Variants in ADARB2 observed in about 807,000 individuals in gnomAD.
ADARB2 encodes inactive double-stranded RNA-specific editase B2.
In ADARB2, 25 loss-of-function variants were observed where a neutral mutation model predicts 62.2. That is an observed-to-expected ratio of 0.40 (90% CI 0.29 to 0.56). The LOEUF is 0.56. ADARB2 is among the 20% of genes least tolerant of loss of function. The pLI is 0.43. For synonymous variants in ADARB2, 572 were observed against 500.8 expected, an observed-to-expected ratio of 1.14 and a Z score of -1.90; for missense variants, 1,071 against 1,077.4, an observed-to-expected ratio of 0.99 and a Z score of 0.08.
intron 7 of ADARB2, among the ~76,000 whole-genome samples, chr10:1,201,682 G>A (rs537955731): frequency 4.0e-5 from 6 of 151,340 alleles, no homozygotes; most frequent in Non-Finnish European, 8.8e-5. Context: ...CCTGGATGTC[G>A]GATGGTCGGA....
At chr10:1,303,823 C>A (rs1224781447) in intron 3 of ADARB2, among the ~76,000 whole-genome samples, 1 of 151,602 alleles carries the variant, frequency 6.6e-6, no homozygotes, top group Admixed American at 6.6e-5. Context: ...CAAGCAAATG[C>A]TGAGAGATTT....
At position 1,704,826 on chromosome 10, in the gene ADARB2, G is replaced by C. The variant is rs375498397; in HGVS notation, c.100+32225C>G. On this transcript the variant is annotated intron_variant, in intron 1 of 9. Transcript: ENST00000381312. The surrounding 1 kb of genome is among the most constrained non-coding windows in gnomAD (Gnocchi z 5.6). ...TAAAGGGGCAGGGAGTATTGAGAAC[G>C]GTGAGCTTGCATATGCCAGCCTGAG... Among the ~76,000 whole-genome samples, 11 of 152,270 alleles carry C rather than the reference G, an allele frequency of 7.2e-5. No individual in the cohort carries two copies. The South Asian group carries it at 2.3e-3, about 32-fold the overall frequency.
chr10:1,418,732 C>G (rs1832827100), intron 1 of ADARB2, among the ~76,000 whole-genome samples: 1 of 152,072 alleles, frequency 6.6e-6, no homozygotes, highest in Non-Finnish European at 1.5e-5. Flanking sequence ...TTGGGCCGAG[C>G]AACACTGATA....
At chr10:1,728,259 A>G (rs369291497) in intron 1 of ADARB2, among the ~76,000 whole-genome samples, 2 of 152,160 alleles carry the variant, frequency 1.3e-5, no homozygotes, top group African/African-American at 4.8e-5. Flanking sequence ...ATGTTTTGCA[A>G]TTTTTACAAT....
intron 1 of ADARB2, among the ~76,000 whole-genome samples, chr10:1,457,588 G>T (rs184702831): frequency 3.9e-4 from 59 of 152,290 alleles, no homozygotes; most frequent in Admixed American, 1.5e-3. Context: ...GCTGAGCCAC[G>T]CAATACTGCT....
chr10:1,181,364 C>T lies in ADARB2; in HGVS notation c.*1829G>A, dbSNP rs1471489790. ...TAGCTTTTGCACTGAATTAAGATTTCATTTATTTTTGTGATTTTTATAAAA... is the reference window on the plus strand; with the variant it reads ...TAGCTTTTGCACTGAATTAAGATTTTATTTATTTTTGTGATTTTTATAAAA... On this transcript the variant is annotated 3_prime_UTR_variant, in exon 10 of 10. Coordinates refer to ENST00000381312, the MANE Select transcript of ADARB2 (RefSeq NM_018702.4). 1 of 152,190 alleles carries T rather than the reference C, an allele frequency of 6.6e-6. No individual in the cohort carries two copies. Among genetic ancestry groups the T allele is most frequent in the East Asian group, 1.9e-4 (1 of 5,206 alleles). 9.4% of individuals were successfully genotyped at this position (152,190 alleles called of 1,614,324 possible). A position where few individuals can be genotyped will look rare whatever the true frequency, so the allele number is the denominator to read the frequency against.
At chr10:1,647,312 G>GA (rs534574292) in intron 1 of ADARB2, among the ~76,000 whole-genome samples, 3 of 151,926 alleles carry the variant, frequency 2.0e-5, no homozygotes, top group Non-Finnish European at 2.9e-5. Context: ...GGCTCCTTAT[G>GA]AAAAAAAAGT....
rs1274092842 is a variant in ADARB2, at chr10:1,616,827, C to G, written c.100+120224G>C. Among the ~76,000 whole-genome samples, 14 of 143,514 alleles carry G rather than the reference C, an allele frequency of 9.8e-5. 1 individual carries two copies. The highest frequency in any genetic ancestry group is 3.0e-5 in the Non-Finnish European group (2 of 66,014). 94.2% of individuals were successfully genotyped at this position (143,514 alleles called of 152,430 possible). On this transcript the variant is annotated intron_variant, in intron 1 of 9. Coordinates refer to ENST00000381312, the MANE Select transcript of ADARB2 (RefSeq NM_018702.4). ...ATTCTGTTGCTAGATGTTTGTGTGC[C>G]TCTCCAGACACACTCCACACCGCCC...
At chr10:1,731,625 G>A (rs1835232989) in intron 1 of ADARB2, among the ~76,000 whole-genome samples, 1 of 152,112 alleles carries the variant, frequency 6.6e-6, no homozygotes, top group Admixed American at 6.5e-5. Flanking sequence ...CAAGTATTAA[G>A]CAGCCTCTGT....
At chr10:1,736,779 C>T (rs1253084946) in intron 1 of ADARB2, among the ~76,000 whole-genome samples, 65 of 152,198 alleles carry the variant, frequency 4.3e-4, no homozygotes, top group Non-Finnish European at 8.8e-5. Context: ...GCGCGGGGTC[C>T]CCGGGGAGCT....
chr10:1,513,419 G>A (rs953688346), intron 1 of ADARB2, among the ~76,000 whole-genome samples: 2 of 152,192 alleles, frequency 1.3e-5, no homozygotes, highest in African/African-American at 2.4e-5. Context: ...TGGCAGGAGG[G>A]CACTCTGGAG....
chr10:1,563,052 T>A (rs1832807861), intron 1 of ADARB2, among the ~76,000 whole-genome samples: 1 of 152,146 alleles, frequency 6.6e-6, no homozygotes, highest in Admixed American at 6.5e-5. Flanking sequence ...CTTGAGTCCC[T>A]GTGTCCTCCG....
At chr10:1,690,872 G>A (rs1394676451) in intron 1 of ADARB2, among the ~76,000 whole-genome samples, 1 of 152,088 alleles carries the variant, frequency 6.6e-6, no homozygotes, top group Non-Finnish European at 1.5e-5. Context: ...TCCTTTCTCC[G>A]GGGACCACCG....
chr10:1,726,308 G>A (rs765719880), intron 1 of ADARB2, among the ~76,000 whole-genome samples: 3 of 152,146 alleles, frequency 2.0e-5, no homozygotes, highest in Non-Finnish European at 4.4e-5. Flanking sequence ...GATCAGTAAG[G>A]TAGATGGTAG....
In ADARB2 at chr10:1,695,812, ATGTGTT is replaced by A. The variant is rs1834734097; in HGVS notation, c.100+41233_100+41238del. Among the ~76,000 whole-genome samples the A allele has an allele frequency of 2.6e-5, 4 of 151,856 alleles. No homozygotes were observed. In the South Asian group the frequency reaches 8.3e-4, roughly 32 times the overall value. On this transcript the variant is annotated intron_variant, in intron 1 of 9. Transcript: ENST00000381312. ...TGGGTGCATGTGTGTATATATGTAC[ATGTGTT>A]TGTGAGAGTGCATGCATGTGTGTGT...
chr10:1,683,976 C>A (rs545520543), intron 1 of ADARB2, among the ~76,000 whole-genome samples: 1 of 152,190 alleles, frequency 6.6e-6, no homozygotes, highest in Admixed American at 6.5e-5. Context: ...GAAAGACCAC[C>A]GCCAAAGAGC....
chr10:1,449,114 G>A (rs1362337909), intron 1 of ADARB2, among the ~76,000 whole-genome samples: 5 of 152,184 alleles, frequency 3.3e-5, no homozygotes, highest in African/African-American at 1.2e-4. Context: ...GTCTTTCCAT[G>A]AGTCTGGATG....
chr10:1,483,455 C>T (rs565461441), intron 1 of ADARB2, among the ~76,000 whole-genome samples: 14 of 152,284 alleles, frequency 9.2e-5, no homozygotes, highest in South Asian at 4.2e-4. Flanking sequence ...ACAGTCGTTT[C>T]GTCCTAGCTA....
Position 1,570,468 on chromosome 10 carries a change from A to G in ADARB2, c.100+166583T>C, listed in dbSNP as rs1035026354. 4.6e-5 allele frequency among the ~76,000 whole-genome samples: 7 copies of G among 152,134 alleles called. 1 individual carries two copies. In the East Asian group the frequency reaches 5.8e-4, roughly 13 times the overall value. ...GACGGGCAGGCACCATGCTCACCGCACGGCAGGAAAGGCCTCCCTCCCGAG... is the reference window on the plus strand; with the variant it reads ...GACGGGCAGGCACCATGCTCACCGCGCGGCAGGAAAGGCCTCCCTCCCGAG... On this transcript the variant is annotated intron_variant, in intron 1 of 9. Coordinates refer to ENST00000381312, the MANE Select transcript of ADARB2 (RefSeq NM_018702.4).
Sources: gnomAD v4.1 joint callset for allele counts (sites outside exome capture counted in the v4.1 genomes callset) on GRCh38, gnomAD v4.1.1 for gene constraint, Gnocchi (gnomAD v3.1) non-coding constraint, MANE v1.5 for transcripts, NCBI Gene and HGNC (gene_info 2026-07-23, HGNC 2026-07-21) for gene names.